The following NRG1 variants were observed in gnomAD, a reference collection of about 807,000 sequenced individuals.
The protein encoded by NRG1 is neuregulin 1.
A neutral mutation model predicts 63.8 loss-of-function variants in NRG1; 18 were observed. The ratio of observed to expected loss-of-function variants is 0.28; its 90% CI spans 0.19 to 0.42. The LOEUF (loss-of-function observed/expected upper bound fraction) is 0.42. Ranked by LOEUF, NRG1 falls within the 10% of genes least tolerant of loss-of-function variation. The probability of loss-of-function intolerance (pLI) is 1.00; values close to 1 mark genes in which losing one functional copy is unlikely to be tolerated. For synonymous variants in NRG1, 302 were observed against 301.3 expected (o/e 1.00, Z -0.02); for missense variants, 762 against 814.7 (o/e 0.94, Z 0.79).
chr8:31,889,866 C>A, intron 1 of NRG1, among the ~76,000 whole-genome samples: 1 of 152,058 alleles, frequency 6.6e-6, no homozygotes, highest in East Asian at 1.9e-4. Flanking sequence ...CAAAGCACAT[C>A]TCGGAGAAGT....
intron 1 of NRG1, among the ~76,000 whole-genome samples, chr8:31,979,984 A>T (rs888257580): frequency 2.0e-5 from 3 of 152,080 alleles, no homozygotes; most frequent in Non-Finnish European, 4.4e-5. Context: ...TTTTCTATGC[A>T]CTTTACAAAT....
chr8:31,975,065 C>T (rs1465631175), intron 1 of NRG1, among the ~76,000 whole-genome samples: 2 of 152,134 alleles, frequency 1.3e-5, no homozygotes, highest in African/African-American at 4.8e-5. Flanking sequence ...TCTTTTCTTT[C>T]AGGGTTCTGT....
chr8:31,809,840 A>ATT (rs145293219), intron 1 of NRG1, among the ~76,000 whole-genome samples: 4 of 122,162 alleles, frequency 3.3e-5, no homozygotes, highest in Admixed American at 8.6e-5. Context: ...CTCTTTTAGA[A>ATT]TTTTTTTTTT....
chr8:31,902,672 G>A (rs1002781948), intron 1 of NRG1, among the ~76,000 whole-genome samples: 1 of 151,944 alleles, frequency 6.6e-6, no homozygotes, highest in Non-Finnish European at 1.5e-5. Context: ...TCTGCAAGTG[G>A]CATAATTATT....
chr8:32,712,028 T>A (rs1429990305), intron 5 of NRG1, among the ~76,000 whole-genome samples: 4 of 152,170 alleles, frequency 2.6e-5, no homozygotes, highest in South Asian at 4.1e-4. Flanking sequence ...CTTATTATTA[T>A]TACCCTTACC....
At chr8:31,872,994 T>C (rs1318795312) in intron 1 of NRG1, among the ~76,000 whole-genome samples, 1 of 152,212 alleles carries the variant, frequency 6.6e-6, no homozygotes, top group East Asian at 1.9e-4. Flanking sequence ...CTTGGGCCAA[T>C]CAAATAATGG....
chr8:31,790,331 C>A (rs938459705), intron 1 of NRG1, among the ~76,000 whole-genome samples: 1 of 152,084 alleles, frequency 6.6e-6, no homozygotes. Context: ...GAAATTAGGA[C>A]AAGAAACTAA....
Position 32,202,749 on chromosome 8 carries a change from C to G in NRG1, c.38-393079C>G, listed in dbSNP as rs572759780. On this transcript the variant is annotated intron_variant, in intron 1 of 10. Coordinates refer to the NRG1 transcript ENST00000519301. ...TTCCTCTCTGTCCACAGCTAAACTCCTCTTGACCTTCAGACACTTCCTCTC... is the reference window on the plus strand; with the variant it reads ...TTCCTCTCTGTCCACAGCTAAACTCGTCTTGACCTTCAGACACTTCCTCTC... Among the ~76,000 whole-genome samples, 106 of 151,576 alleles carry G rather than the reference C, an allele frequency of 7.0e-4. 1 individual carries two copies. The South Asian group carries it at 0.022, about 31-fold the overall frequency.
intron 1 of NRG1, among the ~76,000 whole-genome samples, chr8:31,708,441 TA>T: frequency 7.5e-6 from 1 of 132,620 alleles, no homozygotes; most frequent in Admixed American, 9.0e-5. Flanking sequence ...AAAATAAACA[TA>T]ATTGTTTTTT....
At chr8:32,327,940 A>T (rs1802202032) in intron 1 of NRG1, among the ~76,000 whole-genome samples, 1 of 152,200 alleles carries the variant, frequency 6.6e-6, no homozygotes, top group Non-Finnish European at 1.5e-5. Context: ...AAGAAAACTG[A>T]GTTGAGGGCA....
At chr8:31,757,156 A>C (rs1043516425) in intron 1 of NRG1, among the ~76,000 whole-genome samples, 1 of 152,154 alleles carries the variant, frequency 6.6e-6, no homozygotes, top group African/African-American at 2.4e-5. Context: ...CTGTCTCAAT[A>C]CTGGAAATTT....
chr8:32,434,136 A>G (rs1261763736), intron 1 of NRG1, among the ~76,000 whole-genome samples: 2 of 152,098 alleles, frequency 1.3e-5, no homozygotes, highest in African/African-American at 4.8e-5. Flanking sequence ...CAGTGAGCCA[A>G]GATCACACCA....
At chr8:31,909,146 A>ATT (rs2129617023) in intron 1 of NRG1, among the ~76,000 whole-genome samples, 1 of 152,296 alleles carries the variant, frequency 6.6e-6, no homozygotes, top group East Asian at 1.9e-4. Flanking sequence ...TTGGCCTTTA[A>ATT]TATCCCAAAT....
chr8:32,716,626 C>G, intron 5 of NRG1, among the ~76,000 whole-genome samples: 1 of 152,010 alleles, frequency 6.6e-6, no homozygotes, highest in East Asian at 1.9e-4. Flanking sequence ...CTTAATATTC[C>G]TTGTGTCTGA....
chr8:32,315,951 G>GAAC (rs33932599), intron 1 of NRG1, among the ~76,000 whole-genome samples: 1 of 152,150 alleles, frequency 6.6e-6, no homozygotes, highest in African/African-American at 2.4e-5. Flanking sequence ...CTAGGCAGTG[G>GAAC]AGTACATAGA....
chr8:32,011,539 G>A (rs1202893991), intron 1 of NRG1, among the ~76,000 whole-genome samples: 1 of 152,110 alleles, frequency 6.6e-6, no homozygotes, highest in Non-Finnish European at 1.5e-5. Context: ...GTCACGTCCT[G>A]TCACTTTTGC....
intron 1 of NRG1, among the ~76,000 whole-genome samples, chr8:32,005,369 T>C (rs1813604547): frequency 6.6e-6 from 1 of 152,026 alleles, no homozygotes; most frequent in Non-Finnish European, 1.5e-5. Flanking sequence ...GTCTATTTTG[T>C]GAATGTGTCT....
intron 5 of NRG1, among the ~76,000 whole-genome samples, chr8:32,679,877 C>T (rs889925236): frequency 6.6e-6 from 1 of 152,140 alleles, no homozygotes; most frequent in Non-Finnish European, 1.5e-5. Flanking sequence ...TTTATCCCTG[C>T]GAGCTAATGT....
chr8:32,076,411 A>G (rs1314942951), intron 1 of NRG1, among the ~76,000 whole-genome samples: 1 of 124,274 alleles, frequency 8.0e-6, no homozygotes, highest in East Asian at 2.4e-4. Context: ...ATTGTTAAAT[A>G]CCAAAAAGAA....
Sources: gnomAD v4.1 joint callset for allele counts (sites outside exome capture counted in the v4.1 genomes callset) on GRCh38, gnomAD v4.1.1 for gene constraint, MANE v1.5 for transcripts, NCBI Gene and HGNC (gene_info 2026-07-23, HGNC 2026-07-21) for gene names.